The following TTBK2 variants were observed in gnomAD, a reference collection of about 807,000 sequenced individuals.
The protein encoded by TTBK2 is tau-tubulin kinase 2.
Under a neutral mutation model 110.8 loss-of-function variants are expected in TTBK2, and 28 were observed. The observed-to-expected ratio is 0.25, with a 90% CI of 0.19 to 0.35. The LOEUF (loss-of-function observed/expected upper bound fraction) is 0.35. Among genes scored for constraint, TTBK2 ranks in the 10% least tolerant of loss-of-function variants. TTBK2 has a pLI of 1.00. For synonymous variants in TTBK2, 532 were observed against 527.3 expected (o/e 1.01, Z -0.12); for missense variants, 1,369 against 1,500.3 (o/e 0.91, Z 1.45).
intron 2 of TTBK2, among the ~76,000 whole-genome samples, chr15:42,875,752 C>G (rs140987499): frequency 1.8e-3 from 270 of 151,908 alleles, no homozygotes; most frequent in African/African-American, 6.1e-3. Flanking sequence ...ACTAAAAATA[C>G]AAAAATTAGC....
intron 9 of TTBK2, among the ~76,000 whole-genome samples, chr15:42,800,516 TA>T (rs1198942802): frequency 2.6e-5 from 4 of 152,358 alleles, no homozygotes; most frequent in African/African-American, 9.6e-5. Flanking sequence ...GAATTATTTG[TA>T]AGGTGATATT....
At chr15:42,853,135 G>A (rs535689629) in intron 3 of TTBK2, among the ~76,000 whole-genome samples, 3 of 152,280 alleles carry the variant, frequency 2.0e-5, no homozygotes, top group Admixed American at 1.3e-4. Context: ...AGGGAAGGCA[G>A]AACAGGTGCA....
chr15:42,791,024 T>C (rs1188169320), intron 10 of TTBK2, among the ~76,000 whole-genome samples: 5 of 152,102 alleles, frequency 3.3e-5, no homozygotes, highest in Non-Finnish European at 7.4e-5. Context: ...GCTAGGGCTA[T>C]AGGCACCTGC....
intron 13 of TTBK2, among the ~76,000 whole-genome samples, chr15:42,765,145 T>C (rs1020253166): frequency 1.3e-5 from 2 of 152,100 alleles, no homozygotes; most frequent in Non-Finnish European, 2.9e-5. Context: ...ACCACAAAGA[T>C]GGGAAGATGG....
rs745727345 is a variant in TTBK2 at position 42,783,597 on chromosome 15, C to T, written c.1019G>A (p.Arg340Gln). ...TGGAAATACCTCATCTGTATTTTCT[C>T]GAAGCAAGTCTCCAGGGATGGGAGT... ...NATPIPGDLLRENTDEVFPDE... is the reference protein window; with the variant it reads ...NATPIPGDLLQENTDEVFPDE... The change falls in exon 11 of 15, where the codon CGA becomes CAA. Residue 340 changes from arginine (R) to glutamine (Q), a missense_variant. This residue lies in a region of TTBK2 where 1,097 missense variants were observed against 1,114.7 expected (regional missense o/e 0.98). Transcript: ENST00000267890. The T allele has an allele frequency of 3.1e-6, 5 of 1,613,642 alleles. No homozygotes were observed. The highest frequency in any genetic ancestry group is 2.2e-5 in the South Asian group (2 of 91,078).
intron 7 of TTBK2, among the ~76,000 whole-genome samples, chr15:42,816,081 A>C (rs370366698): frequency 9.0e-4 from 54 of 60,252 alleles, no homozygotes; most frequent in Non-Finnish European, 1.2e-3. Context: ...AAAATAAATA[A>C]ATAAATATAT....
chr15:42,827,827 T>A, intron 6 of TTBK2, 101 bp downstream of exon 6: 1 of 916,880 alleles, frequency 1.1e-6, no homozygotes, highest in Non-Finnish European at 1.7e-6. Flanking sequence ...ACTTCTTAGA[T>A]AACATCCATT....
intron 3 of TTBK2, among the ~76,000 whole-genome samples, chr15:42,853,147 T>TA (rs1484855311): frequency 6.6e-6 from 1 of 152,170 alleles, no homozygotes. Flanking sequence ...ACAGGTGCAG[T>TA]TCCTCTCCTA....
Position 42,775,604 on chromosome 15 carries a change from T to A in TTBK2, c.1529A>T (p.Glu510Val), listed in dbSNP as rs1889880373. 6.2e-7 allele frequency: 1 copy of A among 1,614,088 alleles called. No homozygotes were observed. The highest frequency in any genetic ancestry group is 2.2e-5 in the East Asian group (1 of 44,882). Residue 510 changes from glutamate to valine, a missense_variant, in exon 13 of 15, where the codon GAA (glutamate) becomes GTA (valine). Physicochemically the swap from Glu to Val is moderately radical, Grantham distance 121. This residue lies in a region of TTBK2 where 1,097 missense variants were observed against 1,114.7 expected (regional missense o/e 0.98). Transcript: ENST00000267890. ...RTDHIWHYDE[E>V]YLPDASKPAS... ...AGGCTTGGAGGCATCTGGAAGATAT[T>A]CTTCATCATAGTGCCAGATGTGGTC...
chr15:42,916,678 G>A (rs1193110756), intron 1 of TTBK2, among the ~76,000 whole-genome samples: 5 of 152,042 alleles, frequency 3.3e-5, no homozygotes, highest in Non-Finnish European at 7.4e-5. Flanking sequence ...TGAAGCACTT[G>A]GAGGATCAAG....
At chr15:42,900,933 T>C (rs1427898809) in intron 1 of TTBK2, among the ~76,000 whole-genome samples, 1 of 152,134 alleles carries the variant, frequency 6.6e-6, no homozygotes, top group Non-Finnish European at 1.5e-5. Flanking sequence ...AAGGAAAGTC[T>C]TTTCAACAAA....
At chr15:42,797,350 T>C (rs1439608888) in intron 9 of TTBK2, among the ~76,000 whole-genome samples, 1 of 152,224 alleles carries the variant, frequency 6.6e-6, no homozygotes, top group East Asian at 1.9e-4. Context: ...ATGTATTCTA[T>C]GGCACTGGAC....
chr15:42,873,612 G>A (rs1055968222), intron 2 of TTBK2, among the ~76,000 whole-genome samples: 1 of 151,966 alleles, frequency 6.6e-6, no homozygotes, highest in Middle Eastern at 3.2e-3. Flanking sequence ...ATCAATTTAA[G>A]CAAGTTCAAC....
intron 13 of TTBK2, among the ~76,000 whole-genome samples, chr15:42,758,681 C>T (rs1274565866): frequency 6.6e-6 from 1 of 151,208 alleles, no homozygotes; most frequent in Non-Finnish European, 1.5e-5. Flanking sequence ...AAAAAGAAGC[C>T]CAAGAAGGCA....
intron 7 of TTBK2, among the ~76,000 whole-genome samples, chr15:42,814,745 C>T (rs192947576): frequency 6.6e-6 from 1 of 152,314 alleles, no homozygotes; most frequent in East Asian, 1.9e-4. Context: ...TGCACTCCTG[C>T]ATCACCTCAC....
intron 4 of TTBK2, among the ~76,000 whole-genome samples, chr15:42,840,153 T>C (rs1448017058): frequency 1.3e-5 from 2 of 152,198 alleles, no homozygotes; most frequent in Non-Finnish European, 2.9e-5. Context: ...TCAGTAAAGA[T>C]ACAGGTCAAC....
intron 9 of TTBK2, chr15:42,802,434 G>A (rs763694603): frequency 1.8e-5 from 13 of 712,386 alleles, no homozygotes; most frequent in African/African-American, 8.7e-5. Flanking sequence ...CGAACCAGAC[G>A]GAATCCCAGA....
intron 3 of TTBK2, among the ~76,000 whole-genome samples, chr15:42,852,024 G>C (rs1170080835): frequency 2.6e-5 from 4 of 151,514 alleles, no homozygotes; most frequent in Admixed American, 6.6e-5. Context: ...CATATCGTTA[G>C]CACTCAAACA....
At chr15:42,891,472 C>T (rs1895453556) in intron 1 of TTBK2, among the ~76,000 whole-genome samples, 1 of 151,942 alleles carries the variant, frequency 6.6e-6, no homozygotes, top group South Asian at 2.1e-4. Flanking sequence ...CTGTGCCCAG[C>T]CCTGAACTCT....
Sources: gnomAD v4.1 joint callset for allele counts (sites outside exome capture counted in the v4.1 genomes callset) on GRCh38, gnomAD v4.1.1 for gene constraint, gnomAD v4.1.1 regional missense constraint, MANE v1.5 for transcripts, NCBI Gene and HGNC (gene_info 2026-07-23, HGNC 2026-07-21) for gene names.